PLPP5: variants seen among roughly 807,000 people sequenced by gnomAD.
PLPP5 encodes the protein diacylglycerol pyrophosphate like 1.
Under a neutral mutation model 23.6 loss-of-function variants are expected in PLPP5, and 29 were observed. That is an observed-to-expected ratio of 1.23 (90% CI 0.92 to 1.68). PLPP5 has a LOEUF of 1.68. Among genes scored for constraint, PLPP5 ranks in the 40% most tolerant of loss-of-function variants. The probability of loss-of-function intolerance (pLI) is 0.00; values close to 1 mark genes in which losing one functional copy is unlikely to be tolerated. For synonymous variants in PLPP5, 143 were observed against 131.3 expected, an observed-to-expected ratio of 1.09 and a Z score of -0.61; for missense variants, 315 against 332.1, an observed-to-expected ratio of 0.95 and a Z score of 0.40.
chr8:38,267,532 CCA>C, intron 4 of PLPP5, 141 bp from the exon 5 acceptor site: 1 of 962,316 alleles, frequency 1.0e-6, no homozygotes, highest in Non-Finnish European at 1.5e-6. Context: ...AGTATAGTCA[CCA>C]CACTAAGAGA....
rs1585836306 is a variant in PLPP5 at position 38,269,156 on chromosome 8, C to T, written c.44G>A (p.Gly15Asp). ...AAAVAFGAEV[G>D]VRLALFAAFL... ...GGCCGCGAACAGCGCGAGCCGCACG[C>T]CCACTTCGGCCCCAAAGGCCACCGC... Residue 15 changes from glycine to aspartate, a missense_variant, in exon 1 of 7, where the codon GGC becomes GAC. Physicochemically the swap from Gly to Asp is moderately conservative, Grantham distance 94 (BLOSUM62 -1). Coordinates refer to ENST00000424479, the MANE Select transcript of PLPP5 (RefSeq NM_001102559.2). 6.6e-7 allele frequency: 1 copy of T among 1,513,598 alleles called. No individual in the cohort carries two copies. Among genetic ancestry groups the T allele is most frequent in the Non-Finnish European group, 8.8e-7 (1 of 1,138,402 alleles). The allele number at this position is 1,513,598 out of a possible 1,614,324, so 93.8% of individuals were successfully genotyped here.
intron 2 of PLPP5, 189 bp downstream of exon 2, chr8:38,268,693 A>G (rs1808134052): frequency 1.4e-6 from 2 of 1,432,774 alleles, no homozygotes; most frequent in South Asian, 1.5e-5. Flanking sequence ...TCTCAGCCCA[A>G]AGAGGCTCGG....
chr8:38,269,188 C>G lies in PLPP5; in HGVS notation c.12G>C (p.Ala4=). ...CGGCCCCAAAGGCCACCGCCGCCGC[C>G]GCCTTCCCCATCCGGCCGCGAGCTC... MGK[A]AAAVAFGAEV... Residue 4 remains alanine (A), a synonymous_variant, in exon 1 of 7, where the codon GCG becomes GCC. Transcript: ENST00000424479. 6.7e-7 allele frequency: 1 copy of G among 1,502,284 alleles called. No homozygotes were observed. The highest frequency in any genetic ancestry group is 1.2e-5 in the South Asian group (1 of 80,912). The allele number at this position is 1,502,284 out of a possible 1,614,324, so 93.1% of individuals were successfully genotyped here. A position where few individuals can be genotyped will look rare whatever the true frequency, so the allele number is the denominator to read the frequency against.
chr8:38,266,117 C>T, intron 6 of PLPP5, 24 bp downstream of exon 6: 2 of 1,610,708 alleles, frequency 1.2e-6, no homozygotes, highest in Non-Finnish European at 1.7e-6. Flanking sequence ...ATGCAAGCTT[C>T]CATAGCCTGA....
At position 38,263,310 on chromosome 8, in the gene PLPP5, G is replaced by A; in HGVS notation, c.*1134C>T. The A allele has an allele frequency of 1.2e-6, 1 of 842,060 alleles. No homozygotes were observed. Among genetic ancestry groups the A allele is most frequent in the Non-Finnish European group, 1.4e-6 (1 of 699,222 alleles). 52.2% of individuals were successfully genotyped at this position (842,060 alleles called of 1,614,324 possible). Reference sequence around the variant, plus strand: ...GTTCCTTATATTCCATTGTGAAGAAGGGGCAGAAAAAGATTCATCTGTCCT... The same window carrying A: ...GTTCCTTATATTCCATTGTGAAGAAAGGGCAGAAAAAGATTCATCTGTCCT... On this transcript the variant is annotated 3_prime_UTR_variant, in exon 7 of 7. Coordinates refer to ENST00000424479, the MANE Select transcript of PLPP5 (RefSeq NM_001102559.2).
chr8:38,267,898 T>G lies in PLPP5; in HGVS notation c.337A>C (p.Arg113=), dbSNP rs1426212845. ...GGGTGGTTAGCTGTTGTCACTTACCTCCCTACGATCAGTTTTATTGTGTTG... is the reference window on the plus strand; with the variant it reads ...GGGTGGTTAGCTGTTGTCACTTACCGCCCTACGATCAGTTTTATTGTGTTG... The part of the protein sequence containing the change: ...FTNTIKLIVG[R]PRPDFFYRCF... The change falls in exon 4 of 7, where the codon AGG becomes CGG. Residue 113 remains arginine, a splice_region_variant and synonymous_variant. Coordinates refer to ENST00000424479, the MANE Select transcript of PLPP5 (RefSeq NM_001102559.2). 6.2e-7 allele frequency: 1 copy of G among 1,613,978 alleles called. No homozygotes were observed. The highest frequency in any genetic ancestry group is 8.5e-7 in the Non-Finnish European group (1 of 1,179,860).
intron 3 of PLPP5, 27 bp from the exon 4 acceptor site, chr8:38,267,987 G>C (rs572298434): frequency 6.2e-7 from 1 of 1,613,970 alleles, no homozygotes; most frequent in African/African-American, 1.3e-5. Flanking sequence ...TTAGTTGAAA[G>C]GATCTGTCTA....
chr8:38,269,143 C>A lies in PLPP5; in HGVS notation c.57G>T (p.Ala19=). The A allele has an allele frequency of 6.6e-7, 1 of 1,517,262 alleles. No individual in the cohort carries two copies. 94.0% of individuals were successfully genotyped at this position (1,517,262 alleles called of 1,614,324 possible). Reference sequence around the variant, plus strand: ...TTTCTTACAGGAAGGCCGCGAACAGCGCGAGCCGCACGCCCACTTCGGCCC... The same window carrying A: ...TTTCTTACAGGAAGGCCGCGAACAGAGCGAGCCGCACGCCCACTTCGGCCC... ...AFGAEVGVRL[A]LFAAFLVTEL... is the part of the protein sequence containing the mutation. Residue 19 remains alanine (A), a synonymous_variant, in exon 1 of 7, where the codon GCG becomes GCT. Coordinates refer to ENST00000424479, the MANE Select transcript of PLPP5 (RefSeq NM_001102559.2).
chr8:38,268,728 C>T (rs1808142679), intron 2 of PLPP5, 154 bp downstream of exon 2: 1 of 1,434,138 alleles, frequency 7.0e-7, no homozygotes, highest in African/African-American at 1.4e-5. Flanking sequence ...CAATCAGGAT[C>T]TTAAACACTC....
chr8:38,264,184 G>A lies in PLPP5; in HGVS notation c.*260C>T. The A allele has an allele frequency of 9.7e-7, 1 of 1,029,394 alleles. No homozygotes were observed. Among genetic ancestry groups the A allele is most frequent in the Non-Finnish European group, 1.2e-6 (1 of 845,810 alleles). 63.8% of individuals were successfully genotyped at this position (1,029,394 alleles called of 1,614,324 possible). ...TTTTTTTGAGATGGGGTCTCACTCT[G>A]TTGCCTAGGCTGGAGTGCAGTGGTG... On this transcript the variant is annotated 3_prime_UTR_variant, in exon 7 of 7. Transcript: ENST00000424479.
chr8:38,265,848 C>G (rs1046218061), intron 6 of PLPP5, among the ~76,000 whole-genome samples: 7 of 152,092 alleles, frequency 4.6e-5, no homozygotes, highest in African/African-American at 1.7e-4. Flanking sequence ...GACAATGAAC[C>G]TGATTTTTAA....
In PLPP5 at chr8:38,268,869, T is replaced by C; in HGVS notation, c.183+13A>G. 5.2e-6 allele frequency: 8 copies of C among 1,544,258 alleles called. No homozygotes were observed. Among genetic ancestry groups the C allele is most frequent in the South Asian group, 1.2e-5 (1 of 81,052 alleles). ...TCATGGGGAGGGAGGAAAGACGATCTTTCTCCACGCACAAACATCGGCTTG... is the reference window on the plus strand; with the variant it reads ...TCATGGGGAGGGAGGAAAGACGATCCTTCTCCACGCACAAACATCGGCTTG... On this transcript the variant is annotated intron_variant, in intron 2 of 6. Transcript: ENST00000424479.
At chr8:38,267,781 G>A (rs550941527) in intron 4 of PLPP5, 116 bp downstream of exon 4, 49 of 1,082,172 alleles carry the variant, frequency 4.5e-5, no homozygotes, top group African/African-American at 7.8e-5. Context: ...AGAAAAATCA[G>A]AGTGAAGATA....
At chr8:38,267,047 A>C in intron 5 of PLPP5, 1 of 1,416,888 alleles carries the variant, frequency 7.1e-7, no homozygotes. Flanking sequence ...ATAACAATTA[A>C]ATGTGCAAAT....
At position 38,264,151 on chromosome 8, in the gene PLPP5, A is replaced by ATT. The variant is rs112738084; in HGVS notation, c.*291_*292dup. On this transcript the variant is annotated 3_prime_UTR_variant, in exon 7 of 7. Coordinates refer to ENST00000424479, the MANE Select transcript of PLPP5 (RefSeq NM_001102559.2). ...CCTGTTCTCTATTGAGATAGATTCA[A>ATT]TTTTTTTTTTTTTTGAGATGGGGTC... 1.1e-3 allele frequency: 929 copies of ATT among 849,484 alleles called. No homozygotes were observed. The highest frequency in any genetic ancestry group is 1.6e-3 in the Middle Eastern group (3 of 1,822). 52.6% of individuals were successfully genotyped at this position (849,484 alleles called of 1,614,324 possible). A position where few individuals can be genotyped will look rare whatever the true frequency, so the allele number is the denominator to read the frequency against.
chr8:38,268,439 A>T lies in PLPP5; in HGVS notation c.206T>A (p.Leu69Gln). The T allele has an allele frequency of 6.3e-7, 1 of 1,574,888 alleles. No homozygotes were observed. Among genetic ancestry groups the T allele is most frequent in the Non-Finnish European group, 8.6e-7 (1 of 1,159,796 alleles). ...PMFVIAFLSP[L>Q]SLIFLAKFLK... Reference sequence around the variant, plus strand: ...AAATTTGGCCAGGAAGATCAGAGACAGTGGAGAGAGAAATGCAATAACCTG... The same window carrying T: ...AAATTTGGCCAGGAAGATCAGAGACTGTGGAGAGAGAAATGCAATAACCTG... The change falls in exon 3 of 7, where the codon CTG becomes CAG. Residue 69 changes from leucine (L) to glutamine (Q), a missense_variant. By Grantham distance (113) the Leu-to-Gln change is moderately radical (BLOSUM62 -2). Coordinates refer to ENST00000424479, the MANE Select transcript of PLPP5 (RefSeq NM_001102559.2).
At chr8:38,267,726 T>A in intron 4 of PLPP5, 171 bp downstream of exon 4, 1 of 714,854 alleles carries the variant, frequency 1.4e-6, no homozygotes, top group Non-Finnish European at 2.3e-6. Flanking sequence ...AGGTGTCACC[T>A]GGAGGACTGA....
rs1807265203 is a variant in PLPP5, at chr8:38,264,345, T to C, written c.*99A>G. 2 of 960,128 alleles carry C rather than the reference T, an allele frequency of 2.1e-6. No homozygotes were observed. Among genetic ancestry groups the C allele is most frequent in the Non-Finnish European group, 2.9e-6 (2 of 689,872 alleles). The allele number at this position is 960,128 out of a possible 1,614,324, so 59.5% of individuals were successfully genotyped here. On this transcript the variant is annotated 3_prime_UTR_variant, in exon 7 of 7. Coordinates refer to ENST00000424479, the MANE Select transcript of PLPP5 (RefSeq NM_001102559.2). The stretch of plus-strand genomic sequence containing the variant: ...TTAGTAGAGACAGGGTTCACCATGT[T>C]GGCCAGGCTGGTCCTGACCTCAGGT...
Position 38,266,244 on chromosome 8 carries a change from T to C in PLPP5, c.531A>G (p.Gln177=), listed in dbSNP as rs1484384199. The change falls in exon 6 of 7, where the codon CAA becomes CAG. Residue 177 remains glutamine (Q), a synonymous_variant. Transcript: ENST00000424479. The stretch of plus-strand genomic sequence containing the variant: ...AGAACCTCCAAGATTTCCCACGGCC[T>C]TGTGGTGTGAAGCAGTGTAACTTCC... ...LAGKLHCFTP[Q]GRGKSWRFCA... is the part of the protein sequence containing the mutation. The C allele has an allele frequency of 6.2e-7, 1 of 1,613,846 alleles. No homozygotes were observed. Among genetic ancestry groups the C allele is most frequent in the Admixed American group, 1.7e-5 (1 of 60,002 alleles).
Sources: allele counts gnomAD v4.1 joint callset (sites outside exome capture counted in the v4.1 genomes callset), GRCh38; gene constraint gnomAD v4.1.1; transcripts MANE v1.5; gene names NCBI Gene and HGNC (gene_info 2026-07-23, HGNC 2026-07-21).